The following ZNF445 variants were observed in gnomAD, a reference collection of about 807,000 sequenced individuals.
ZNF445 encodes the protein zinc finger protein 168.
In ZNF445, 19 loss-of-function variants were observed where a neutral mutation model predicts 93.9. That is an observed-to-expected ratio of 0.20 (90% confidence interval 0.14 to 0.30). The LOEUF (loss-of-function observed/expected upper bound fraction) is 0.30, where lower values mean the gene tolerates loss of function less well. Ranked by LOEUF, ZNF445 falls within the 10% of genes least tolerant of loss-of-function variation. The pLI is 1.00. For missense variants in ZNF445, 1,058 were observed against 1,259.4 expected, an observed-to-expected ratio of 0.84 and a Z score of 2.42; for synonymous variants, 449 against 446.3, an observed-to-expected ratio of 1.01 and a Z score of -0.08.
chr3:44,472,322 T>C (rs1001725250), intron 1 of ZNF445, among the ~76,000 whole-genome samples: 1 of 152,202 alleles, frequency 6.6e-6, no homozygotes, highest in Non-Finnish European at 1.5e-5. Context: ...GCTGCACAAA[T>C]GTCCAAAAGG....
chr3:44,450,078 T>C, intron 6 of ZNF445: 1 of 304,770 alleles, frequency 3.3e-6, no homozygotes, highest in Non-Finnish European at 6.3e-6. Flanking sequence ...GTAGCTGGGA[T>C]TACAGGCGTG....
In ZNF445 at chr3:44,439,141, T is replaced by G. The variant is rs1697757189; in HGVS notation, c.*7434A>C. 6.6e-6 allele frequency: 1 copy of G among 151,422 alleles called. No homozygotes were observed. The highest frequency in any genetic ancestry group is 2.4e-5 in the African/African-American group (1 of 41,190). 9.4% of individuals were successfully genotyped at this position (151,422 alleles called of 1,614,324 possible). A position where few individuals can be genotyped will look rare whatever the true frequency, so the allele number is the denominator to read the frequency against. On this transcript the variant is annotated 3_prime_UTR_variant, in exon 8 of 8. Transcript: ENST00000396077. Reference sequence around the variant, plus strand: ...GCTTGGGCAACATGGCCAAACCTTGTCTCTACAAAAATACAAAAATTAGCT... The same window carrying G: ...GCTTGGGCAACATGGCCAAACCTTGGCTCTACAAAAATACAAAAATTAGCT...
At chr3:44,455,935 A>G (rs1272885015) in intron 2 of ZNF445, among the ~76,000 whole-genome samples, 3 of 152,238 alleles carry the variant, frequency 2.0e-5, no homozygotes, top group Non-Finnish European at 4.4e-5. Context: ...TGATGAAAAA[A>G]GTCAGAGAAG....
rs1391120118 is a variant in ZNF445, at chr3:44,447,561, T to G, written c.2110A>C (p.Thr704Pro). The G allele has an allele frequency of 6.2e-7, 1 of 1,614,202 alleles. No homozygotes were observed. The highest frequency in any genetic ancestry group is 8.5e-7 in the Non-Finnish European group (1 of 1,180,030). The change falls in exon 8 of 8, where the codon ACA becomes CCA. Residue 704 changes from threonine to proline, a missense_variant. Thr to Pro is a conservative substitution (Grantham distance 38). Coordinates refer to ENST00000396077, the MANE Select transcript of ZNF445 (RefSeq NM_181489.6). The surrounding 1 kb of genome is among the most constrained non-coding windows in gnomAD (Gnocchi z 4.7). ...KTLVDHQRIHTGEKPYQCSDC... is the reference protein window; with the variant it reads ...KTLVDHQRIHPGEKPYQCSDC... ...CTACACTGGTAAGGTTTCTCACCTG[T>G]GTGAATTCTCTGGTGGTCAACGAGA...
At chr3:44,459,807 T>G (rs1407704502) in intron 1 of ZNF445, among the ~76,000 whole-genome samples, 1 of 152,134 alleles carries the variant, frequency 6.6e-6, no homozygotes, top group Non-Finnish European at 1.5e-5. Context: ...CTAGCCAAAT[T>G]TAAATAACAA....
At chr3:44,449,221 G>A (rs1404758486) in intron 7 of ZNF445, among the ~76,000 whole-genome samples, 1 of 152,192 alleles carries the variant, frequency 6.6e-6, no homozygotes, top group African/African-American at 2.4e-5. Flanking sequence ...GAGTGAGGAG[G>A]AGCATCAGTG....
intron 1 of ZNF445, among the ~76,000 whole-genome samples, chr3:44,474,790 T>C (rs2125687043): frequency 6.6e-6 from 1 of 152,284 alleles, no homozygotes; most frequent in East Asian, 1.9e-4. Flanking sequence ...TGAGACAAAC[T>C]AGGTAAAAGG....
chr3:44,449,659 TG>T, intron 6 of ZNF445, 36 bp from the exon 7 acceptor site: 2 of 1,537,406 alleles, frequency 1.3e-6, no homozygotes, highest in Non-Finnish European at 1.8e-6. Context: ...AGAAGGGAGA[TG>T]GATGACACAG....
At position 44,437,036 on chromosome 3, in the gene ZNF445, T is replaced by G. The variant is rs546737352; in HGVS notation, c.*9539A>C. 6.6e-6 allele frequency: 1 copy of G among 152,254 alleles called. No homozygotes were observed. The highest frequency in any genetic ancestry group is 2.1e-4 in the South Asian group (1 of 4,822). 9.4% of individuals were successfully genotyped at this position (152,254 alleles called of 1,614,324 possible). ...AGTAAAGGAATAAAAGAATGGCTAC[T>G]CCATAGACAGAGCAGCCCCGAGGGC... On this transcript the variant is annotated 3_prime_UTR_variant, in exon 8 of 8. Coordinates refer to ENST00000396077, the MANE Select transcript of ZNF445 (RefSeq NM_181489.6).
At chr3:44,455,040 A>G (rs1698008483) in intron 3 of ZNF445, 81 bp downstream of exon 3, 1 of 1,562,210 alleles carries the variant, frequency 6.4e-7, no homozygotes, top group Non-Finnish European at 8.8e-7. Context: ...TTGACAGTTT[A>G]GAGGGCCACC....
chr3:44,449,330 G>C lies in ZNF445; in HGVS notation c.931+183C>G, dbSNP rs186677873. ...CAGGAGAATAGACATGGCCGGAAAT[G>C]AATGACCTCTCGGAGGCCAGCCAGG... On this transcript the variant is annotated intron_variant, in intron 7 of 7. Transcript: ENST00000396077. 3.2e-3 allele frequency among the ~76,000 whole-genome samples: 488 copies of C among 152,298 alleles called. 1 individual carries two copies. The highest frequency in any genetic ancestry group is 5.3e-3 in the Non-Finnish European group (358 of 68,026).
intron 3 of ZNF445, 70 bp downstream of exon 3, chr3:44,455,051 C>G (rs1387202502): frequency 6.3e-7 from 1 of 1,592,504 alleles, no homozygotes. Flanking sequence ...GAGGGCCACC[C>G]CCATCCCCAG....
At chr3:44,461,296 T>C (rs980085583) in intron 1 of ZNF445, among the ~76,000 whole-genome samples, 3 of 152,154 alleles carry the variant, frequency 2.0e-5, no homozygotes, top group African/African-American at 4.8e-5. Flanking sequence ...GTGCTCCTTC[T>C]AACCAGGAGG....
chr3:44,434,949 A>T lies in ZNF445; in HGVS notation c.*11626T>A, dbSNP rs901635505. On this transcript the variant is annotated 3_prime_UTR_variant, in exon 8 of 8. Coordinates refer to ENST00000396077, the MANE Select transcript of ZNF445 (RefSeq NM_181489.6). ...GATAACATTTATAAGTCACCATAAC[A>T]ACCACTTATTTTTCAGGAACTTGGG... 1 of 152,186 alleles carries T rather than the reference A, an allele frequency of 6.6e-6. No homozygotes were observed. The allele number at this position is 152,186 out of a possible 1,614,324, so 9.4% of individuals were successfully genotyped here.
chr3:44,432,210 A>G lies in ZNF445; in HGVS notation c.*14365T>C, dbSNP rs1162239598. On this transcript the variant is annotated 3_prime_UTR_variant, in exon 8 of 8. Transcript: ENST00000396077. ...CACCATGCCCAGCCCTTGAAATTTA[A>G]ATTTCAATGTCTCTAAATGAAGTTT... The G allele has an allele frequency of 6.6e-6, 1 of 150,846 alleles. No individual in the cohort carries two copies. Among genetic ancestry groups the G allele is most frequent in the Non-Finnish European group, 1.5e-5 (1 of 67,894 alleles). The allele number at this position is 150,846 out of a possible 1,614,324, so 9.3% of individuals were successfully genotyped here.
At chr3:44,474,733 A>T (rs868588515) in intron 1 of ZNF445, among the ~76,000 whole-genome samples, 1 of 152,178 alleles carries the variant, frequency 6.6e-6, no homozygotes, top group African/African-American at 2.4e-5. Flanking sequence ...ACCAACGTAA[A>T]TTTTTTAATT....
At chr3:44,456,143 T>C (rs945995938) in intron 2 of ZNF445, among the ~76,000 whole-genome samples, 1 of 152,174 alleles carries the variant, frequency 6.6e-6, no homozygotes, top group Non-Finnish European at 1.5e-5. Flanking sequence ...AGGTCAGGCA[T>C]GGTGGCTCAC....
chr3:44,449,737 C>A, intron 6 of ZNF445, 114 bp from the exon 7 acceptor site: 1 of 796,842 alleles, frequency 1.3e-6, no homozygotes, highest in Non-Finnish European at 2.1e-6. Context: ...GGAAGGCAGG[C>A]AGCAGAAGCT....
In ZNF445 at chr3:44,443,281, T is replaced by A. The variant is rs546569306; in HGVS notation, c.*3294A>T. 2.6e-5 allele frequency: 4 copies of A among 152,290 alleles called. No individual in the cohort carries two copies. In the East Asian group the frequency reaches 7.7e-4, roughly 29 times the overall value. 9.4% of individuals were successfully genotyped at this position (152,290 alleles called of 1,614,324 possible). ...AGCACCAAGTAGTCAGGCTTCTACTTTTTTTCCTTTCAGCTAATCTGAATT... is the reference window on the plus strand; with the variant it reads ...AGCACCAAGTAGTCAGGCTTCTACTATTTTTCCTTTCAGCTAATCTGAATT... On this transcript the variant is annotated 3_prime_UTR_variant, in exon 8 of 8. Transcript: ENST00000396077.
Sources: allele counts gnomAD v4.1 joint callset (sites outside exome capture counted in the v4.1 genomes callset), GRCh38; gene constraint gnomAD v4.1.1; non-coding constraint Gnocchi (gnomAD v3.1); transcripts MANE v1.5; gene names NCBI Gene and HGNC (gene_info 2026-07-23, HGNC 2026-07-21).